Variants in MAD1L1 observed in about 807,000 individuals in gnomAD.
MAD1L1 encodes mitotic spindle assembly checkpoint protein MAD1.
In MAD1L1, 95 loss-of-function variants were observed where a neutral mutation model predicts 96.9. That is an observed-to-expected ratio of 0.98 (90% CI 0.83 to 1.16). MAD1L1 has a LOEUF of 1.16. MAD1L1 is among the 50% of genes most tolerant of loss of function. The pLI, the probability that MAD1L1 is intolerant of heterozygous loss-of-function variation, is 0.00. For missense variants in MAD1L1, 1,007 were observed against 954.4 expected (o/e 1.06, Z -0.73); for synonymous variants, 473 against 396.6 (o/e 1.19, Z -2.29).
chr7:2,008,062 G>T (rs1242994564), intron 13 of MAD1L1, among the ~76,000 whole-genome samples: 3 of 152,222 alleles, frequency 2.0e-5, no homozygotes, highest in Non-Finnish European at 2.9e-5. Flanking sequence ...GGGGTGGCAG[G>T]AAACTGACGG....
At chr7:2,031,532 G>C (rs1037271126) in intron 12 of MAD1L1, among the ~76,000 whole-genome samples, 2 of 152,202 alleles carry the variant, frequency 1.3e-5, no homozygotes, top group African/African-American at 2.4e-5. Flanking sequence ...ATTTGTGTTC[G>C]CTGTATAAAT....
chr7:2,084,994 C>G (rs1584282110), intron 11 of MAD1L1, among the ~76,000 whole-genome samples: 2 of 152,308 alleles, frequency 1.3e-5, no homozygotes, highest in Admixed American at 1.3e-4. Context: ...AAGCCAAGGA[C>G]TATCATCATG....
intron 10 of MAD1L1, among the ~76,000 whole-genome samples, chr7:2,170,080 C>A (rs551797414): frequency 6.6e-6 from 1 of 152,202 alleles, no homozygotes; most frequent in African/African-American, 2.4e-5. Flanking sequence ...CACAAACACC[C>A]GGGCCAGGCT....
intron 18 of MAD1L1, among the ~76,000 whole-genome samples, chr7:1,825,358 G>A (rs1429588817): frequency 1.3e-5 from 2 of 152,230 alleles, no homozygotes; most frequent in Non-Finnish European, 2.9e-5. Context: ...TGGGCCTGGG[G>A]TGCCAGGCTG....
At chr7:1,843,502 C>T (rs1441992125) in intron 18 of MAD1L1, among the ~76,000 whole-genome samples, 1 of 152,202 alleles carries the variant, frequency 6.6e-6, no homozygotes, top group East Asian at 1.9e-4. Context: ...CCGCGCTTCC[C>T]CGTGTCTGAC....
intron 18 of MAD1L1, among the ~76,000 whole-genome samples, chr7:1,873,416 T>G (rs1785210722): frequency 6.6e-6 from 1 of 151,454 alleles, no homozygotes; most frequent in South Asian, 2.1e-4. Context: ...AAGGTGGCAT[T>G]TGGGCTGAGT....
At chr7:1,931,015 C>T (rs924232098) in intron 17 of MAD1L1, among the ~76,000 whole-genome samples, 1 of 151,952 alleles carries the variant, frequency 6.6e-6, no homozygotes, top group Non-Finnish European at 1.5e-5. Context: ...GAGGGCGCGT[C>T]GTGGGGTCCA....
chr7:2,014,510 C>T lies in MAD1L1; in HGVS notation c.1351G>A (p.Glu451Lys), dbSNP rs1309806962. The change falls in exon 13 of 19, where the codon GAG becomes AAG. Residue 451 changes from glutamate (E) to lysine (K), a missense_variant. By Grantham distance (56) the Glu-to-Lys change is moderately conservative. Transcript: ENST00000265854. Reference sequence around the variant, plus strand: ...CGCCCGCGGCCCCTCACCTCCATCTCGGCGCTGTGGCTGTGCACCTTCTGC... The same window carrying T: ...CGCCCGCGGCCCCTCACCTCCATCTTGGCGCTGTGGCTGTGCACCTTCTGC... ...MVQKVHSHSAEMEAQLSQALE... is the reference protein window; with the variant it reads ...MVQKVHSHSAKMEAQLSQALE... 4 of 1,590,126 alleles carry T rather than the reference C, an allele frequency of 2.5e-6. No homozygotes were observed. Among genetic ancestry groups the T allele is most frequent in the Non-Finnish European group, 3.4e-6 (4 of 1,170,326 alleles).
chr7:2,120,514 A>C (rs911691263), intron 11 of MAD1L1, among the ~76,000 whole-genome samples: 1 of 152,238 alleles, frequency 6.6e-6, no homozygotes, highest in African/African-American at 2.4e-5. Flanking sequence ...CTCGCAGTGC[A>C]GGAACCAAGC....
intron 11 of MAD1L1, among the ~76,000 whole-genome samples, chr7:2,141,022 T>C (rs1229756887): frequency 6.6e-6 from 1 of 152,278 alleles, no homozygotes; most frequent in East Asian, 1.9e-4. Context: ...GCAGCTCATC[T>C]TGCTGAAAGA....
At chr7:2,071,526 T>G (rs554176901) in intron 11 of MAD1L1, among the ~76,000 whole-genome samples, 1 of 152,326 alleles carries the variant, frequency 6.6e-6, no homozygotes, top group South Asian at 2.1e-4. Context: ...CATGTGCCAA[T>G]GACTGACGGT....
chr7:2,140,779 T>C (rs1788990039), intron 11 of MAD1L1, among the ~76,000 whole-genome samples: 1 of 152,236 alleles, frequency 6.6e-6, no homozygotes, highest in African/African-American at 2.4e-5. Flanking sequence ...CCCACTGGCT[T>C]CTGGAACAAT....
At chr7:2,057,281 G>A (rs528691929) in intron 12 of MAD1L1, among the ~76,000 whole-genome samples, 34 of 152,310 alleles carry the variant, frequency 2.2e-4, no homozygotes, top group Middle Eastern at 3.4e-3. Flanking sequence ...ATCCCAGCAC[G>A]TCGGGAAGCC....
chr7:1,842,630 C>T (rs1412134152), intron 18 of MAD1L1, among the ~76,000 whole-genome samples: 6 of 152,270 alleles, frequency 3.9e-5, no homozygotes, highest in South Asian at 2.1e-4. Flanking sequence ...TTCAGGTCCC[C>T]GAGGGAGGCC....
intron 11 of MAD1L1, among the ~76,000 whole-genome samples, chr7:2,081,687 C>T (rs1183405602): frequency 6.6e-6 from 1 of 152,260 alleles, no homozygotes; most frequent in African/African-American, 2.4e-5. Context: ...GTCACTGTTC[C>T]AGCCCCCGTG....
At chr7:1,916,826 G>A (rs954238536) in intron 17 of MAD1L1, among the ~76,000 whole-genome samples, 1 of 152,106 alleles carries the variant, frequency 6.6e-6, no homozygotes, top group Non-Finnish European at 1.5e-5. Context: ...AACAGCCCGG[G>A]CACCCCCATT....
At chr7:2,066,485 C>G (rs1784880456) in intron 12 of MAD1L1, among the ~76,000 whole-genome samples, 1 of 152,246 alleles carries the variant, frequency 6.6e-6, no homozygotes, top group African/African-American at 2.4e-5. Context: ...GCGATCAATA[C>G]CCACCTTCTT....
At chr7:2,220,918 G>C in intron 5 of MAD1L1, 1 of 1,612,064 alleles carries the variant, frequency 6.2e-7, no homozygotes, top group Non-Finnish European at 8.5e-7. Context: ...GCAGGGCCGA[G>C]CCCACCTGCC....
intron 13 of MAD1L1, among the ~76,000 whole-genome samples, chr7:2,003,174 G>A (rs138812876): frequency 5.1e-4 from 78 of 152,330 alleles, no homozygotes; most frequent in African/African-American, 1.8e-3. Context: ...GAGAAATCGA[G>A]AGGCAGGCAG....
Sources: gnomAD v4.1 joint callset for allele counts (sites outside exome capture counted in the v4.1 genomes callset) on GRCh38, gnomAD v4.1.1 for gene constraint, MANE v1.5 for transcripts, NCBI Gene and HGNC (gene_info 2026-07-23, HGNC 2026-07-21) for gene names.